AP3B1: variants seen among roughly 807,000 people sequenced by gnomAD.
AP3B1 encodes adaptor related protein complex 3 subunit beta 1, also known as AP-3 complex subunit beta-1.
AP3B1 carries 61 observed loss-of-function variants against 132.5 expected under a neutral mutation model. The ratio of observed to expected loss-of-function variants is 0.46; its 90% confidence interval spans 0.37 to 0.57. The LOEUF is 0.57. Ranked by LOEUF, AP3B1 falls within the 20% of genes least tolerant of loss-of-function variation. The probability of loss-of-function intolerance (pLI) is 0.00; values close to 1 mark genes in which losing one functional copy is unlikely to be tolerated. For missense variants in AP3B1, 1,120 were observed against 1,289.4 expected (o/e 0.87, Z 2.01); for synonymous variants, 388 against 438.3 (o/e 0.89, Z 1.43).
intron 23 of AP3B1, among the ~76,000 whole-genome samples, chr5:78,036,351 A>G (rs1329925002): frequency 6.6e-6 from 1 of 152,140 alleles, no homozygotes; most frequent in Admixed American, 6.5e-5. Context: ...CTGTTTGGAC[A>G]CCATTTCTAG....
intron 25 of AP3B1, among the ~76,000 whole-genome samples, chr5:78,018,019 T>A (rs1746927076): frequency 1.3e-5 from 2 of 151,898 alleles, no homozygotes; most frequent in African/African-American, 2.4e-5. Flanking sequence ...TCAAAAAAAA[T>A]TCTAAGTTTT....
At chr5:78,123,955 C>G (rs1240903748) in intron 17 of AP3B1, among the ~76,000 whole-genome samples, 1 of 152,182 alleles carries the variant, frequency 6.6e-6, no homozygotes, top group Admixed American at 6.5e-5. Flanking sequence ...ACACAAATGT[C>G]CAACAACGAC....
chr5:78,208,682 A>G (rs968566745), intron 7 of AP3B1, among the ~76,000 whole-genome samples: 3 of 152,194 alleles, frequency 2.0e-5, no homozygotes, highest in African/African-American at 7.2e-5. Flanking sequence ...GGAGGGGTAG[A>G]ACTGACATTG....
chr5:78,288,327 A>C (rs12186414), intron 1 of AP3B1, among the ~76,000 whole-genome samples: 35,076 of 152,110 alleles, frequency 0.23, 4,613 homozygotes, highest in Middle Eastern at 0.31. Context: ...AGATAAAGAC[A>C]CTATAATTGT....
chr5:78,238,918 T>A (rs956549885), intron 3 of AP3B1, among the ~76,000 whole-genome samples: 9 of 149,122 alleles, frequency 6.0e-5, no homozygotes, highest in African/African-American at 2.2e-4. Flanking sequence ...CTATACGCTG[T>A]CAACAACAGG....
chr5:78,056,368 T>C (rs760101422), intron 22 of AP3B1, among the ~76,000 whole-genome samples: 9 of 152,188 alleles, frequency 5.9e-5, no homozygotes, highest in Non-Finnish European at 8.8e-5. Context: ...TGAGACCATA[T>C]ATGTGAAACT....
At chr5:78,139,797 GAAAC>G (rs1021079940) in intron 15 of AP3B1, among the ~76,000 whole-genome samples, 2 of 152,168 alleles carry the variant, frequency 1.3e-5, no homozygotes, top group Admixed American at 1.3e-4. Flanking sequence ...CAAAAAGAGA[GAAAC>G]AAACAGGGAT....
chr5:78,152,099 CT>C (rs1753697753), intron 14 of AP3B1, among the ~76,000 whole-genome samples: 2 of 128,448 alleles, frequency 1.6e-5, no homozygotes. Context: ...TCCCTTCCCT[CT>C]CCTTTCCCTT....
At chr5:78,227,680 A>G in intron 4 of AP3B1, 148 bp from the exon 5 acceptor site, 1 of 721,106 alleles carries the variant, frequency 1.4e-6, no homozygotes, top group Non-Finnish European at 2.3e-6. Flanking sequence ...ATTAGTATAT[A>G]GGAATGGGAA....
chr5:78,185,225 T>C (rs573793227), intron 7 of AP3B1, among the ~76,000 whole-genome samples: 26 of 152,258 alleles, frequency 1.7e-4, no homozygotes, highest in African/African-American at 5.8e-4. Context: ...AGGAAGCTCT[T>C]TAGACAGAAA....
intron 22 of AP3B1, chr5:78,042,372 C>A (rs1748129075): frequency 1.3e-5 from 2 of 152,364 alleles, no homozygotes; most frequent in African/African-American, 4.8e-5. Context: ...GTAGCTTGGA[C>A]TACAGGTGTG....
rs537329418 is a variant in AP3B1, at chr5:78,024,524, G to C, written c.2895-3735C>G. On this transcript the variant is annotated intron_variant, in intron 24 of 26. Coordinates refer to ENST00000255194, the MANE Select transcript of AP3B1 (RefSeq NM_003664.5). ...CCTATCTCAGCCTCCCAAATAGCTGGGACTACAGGCACATGCCACCATGCC... is the reference window on the plus strand; with the variant it reads ...CCTATCTCAGCCTCCCAAATAGCTGCGACTACAGGCACATGCCACCATGCC... 2.0e-5 allele frequency among the ~76,000 whole-genome samples: 3 copies of C among 151,200 alleles called. No individual in the cohort carries two copies. The East Asian group carries it at 5.8e-4, about 29-fold the overall frequency.
chr5:78,048,146 T>C (rs1257821792), intron 22 of AP3B1, among the ~76,000 whole-genome samples: 2 of 152,228 alleles, frequency 1.3e-5, no homozygotes, highest in African/African-American at 2.4e-5. Context: ...TTCTTTTGGA[T>C]TTCCTTTATG....
chr5:78,175,929 A>T (rs1191841203), intron 9 of AP3B1, 91 bp from the exon 10 acceptor site: 2 of 1,017,108 alleles, frequency 2.0e-6, no homozygotes, highest in Admixed American at 3.5e-5. Context: ...ATTAGCAATA[A>T]TTTCAAGTGA....
At chr5:78,065,790 A>G (rs1580302838) in intron 22 of AP3B1, among the ~76,000 whole-genome samples, 1 of 152,184 alleles carries the variant, frequency 6.6e-6, no homozygotes, top group East Asian at 1.9e-4. Flanking sequence ...GCCCCCGCAC[A>G]GAGCAACCCC....
At chr5:78,272,989 A>G (rs1255461509) in intron 1 of AP3B1, among the ~76,000 whole-genome samples, 1 of 152,238 alleles carries the variant, frequency 6.6e-6, no homozygotes, top group Non-Finnish European at 1.5e-5. Flanking sequence ...CTGCCATAGA[A>G]AATAACTATA....
intron 1 of AP3B1, among the ~76,000 whole-genome samples, chr5:78,292,611 T>C (rs1749574346): frequency 6.6e-6 from 1 of 152,172 alleles, no homozygotes; most frequent in Admixed American, 6.5e-5. Context: ...GAGAAGTACC[T>C]GGTAATAACC....
At chr5:78,257,862 C>G (rs368726200) in intron 2 of AP3B1, among the ~76,000 whole-genome samples, 1 of 152,146 alleles carries the variant, frequency 6.6e-6, no homozygotes, top group South Asian at 2.1e-4. Context: ...AGAAACAAAT[C>G]CACACACCTA....
At chr5:78,029,605 G>T (rs1186344637) in intron 24 of AP3B1, among the ~76,000 whole-genome samples, 1 of 152,006 alleles carries the variant, frequency 6.6e-6, no homozygotes, top group East Asian at 1.9e-4. Flanking sequence ...TTTTATATTT[G>T]CCATGCTTTT....
Sources: gnomAD v4.1 joint callset for allele counts (sites outside exome capture counted in the v4.1 genomes callset) on GRCh38, gnomAD v4.1.1 for gene constraint, MANE v1.5 for transcripts, NCBI Gene and HGNC (gene_info 2026-07-23, HGNC 2026-07-21) for gene names.